Variants in ERCC6 observed in about 807,000 individuals in gnomAD.
ERCC6 encodes DNA excision repair protein ERCC-6.
In ERCC6, 116 loss-of-function variants were observed where a neutral mutation model predicts 158.7. The observed-to-expected ratio is 0.73, with a 90% CI of 0.63 to 0.85. ERCC6 has a LOEUF of 0.85. Among genes scored for constraint, ERCC6 ranks in the 40% least tolerant of loss-of-function variants. The pLI is 0.00. For synonymous variants in ERCC6, 678 were observed against 659.3 expected (o/e 1.03, Z -0.43); for missense variants, 1,698 against 1,799.4 (o/e 0.94, Z 1.02).
intron 5 of ERCC6, among the ~76,000 whole-genome samples, chr10:49,519,826 C>A (rs1837100501): frequency 1.3e-5 from 2 of 152,212 alleles, no homozygotes; most frequent in Non-Finnish European, 2.9e-5. Context: ...AAGAATGTCA[C>A]CAAGCTCCCC....
At chr10:49,498,026 G>A (rs1851295400) in intron 7 of ERCC6, among the ~76,000 whole-genome samples, 1 of 151,998 alleles carries the variant, frequency 6.6e-6, no homozygotes, top group Non-Finnish European at 1.5e-5. Flanking sequence ...AAGATTGAGG[G>A]GCCTATCATT....
intron 8 of ERCC6, among the ~76,000 whole-genome samples, chr10:49,491,019 G>A: frequency 6.6e-6 from 1 of 152,080 alleles, no homozygotes; most frequent in East Asian, 1.9e-4. Context: ...GTGTAAGCCA[G>A]CAGGTATGCA....
At chr10:49,446,254 C>CAT in the ERCC6 span, among the ~76,000 whole-genome samples, 24 of 99,578 alleles carry the variant, frequency 2.4e-4, no homozygotes, top group African/African-American at 7.8e-4. Context: ...CACACACACA[C>CAT]ACACCCCCCA....
chr10:49,507,881 A>G (rs1257289210), intron 5 of ERCC6, among the ~76,000 whole-genome samples: 2 of 152,190 alleles, frequency 1.3e-5, no homozygotes, highest in Non-Finnish European at 2.9e-5. Context: ...AAGCCCTGGC[A>G]TATAGGTATC....
chr10:49,494,998 G>C (rs1851239797), intron 7 of ERCC6, among the ~76,000 whole-genome samples: 1 of 152,180 alleles, frequency 6.6e-6, no homozygotes, highest in Non-Finnish European at 1.5e-5. Context: ...CTTAGGTGCA[G>C]TCAAATATCC....
chr10:49,459,064 G>A lies in ERCC6; in HGVS notation c.4233C>T (p.His1411=), dbSNP rs762222276. ...LPERLESESG[H]LQEASALLPT... The stretch of plus-strand genomic sequence containing the variant: ...GCAGCAGGGCAGAAGCTTCCTGCAG[G>A]TGCCCGCTTTCACTTTCTAAACGCT... The change falls in exon 21 of 21, where the codon CAC becomes CAT. Residue 1411 remains histidine, a synonymous_variant. Transcript: ENST00000355832. 11 of 1,614,022 alleles carry A rather than the reference G, an allele frequency of 6.8e-6. No individual in the cohort carries two copies. In the African/African-American group the frequency reaches 1.3e-4, roughly 20 times the overall value.
In ERCC6 at chr10:49,455,720, C is replaced by G. The variant is rs1850473640; in HGVS notation, c.*3095G>C. ...ACAACCCACAGGAAAACTAGGCCAA[C>G]ATAACACTAATAGGCAATGTACGGT... On this transcript the variant is annotated 3_prime_UTR_variant, in exon 21 of 21. Coordinates refer to ENST00000355832, the MANE Select transcript of ERCC6 (RefSeq NM_000124.4). 1 of 152,172 alleles carries G rather than the reference C, an allele frequency of 6.6e-6. No individual in the cohort carries two copies. Among genetic ancestry groups the G allele is most frequent in the South Asian group, 2.1e-4 (1 of 4,828 alleles). 9.4% of individuals were successfully genotyped at this position (152,172 alleles called of 1,614,324 possible).
At chr10:49,497,899 TAA>T (rs938950506) in intron 7 of ERCC6, among the ~76,000 whole-genome samples, 22 of 152,276 alleles carry the variant, frequency 1.4e-4, no homozygotes, top group African/African-American at 5.1e-4. Flanking sequence ...AACTACAAAG[TAA>T]AATATTTATC....
chr10:49,453,674 G>C (rs1295943829), downstream of ERCC6, among the ~76,000 whole-genome samples: 2 of 152,054 alleles, frequency 1.3e-5, no homozygotes, highest in African/African-American at 4.8e-5. Flanking sequence ...AGGCAGGTTG[G>C]TTAACAACAA....
rs776462885 is a variant in ERCC6 at position 49,528,500 on chromosome 10, G to C, written c.569C>G (p.Ala190Gly). ...NKEQQLKKIT[A>G]KQKHLQAILG... is the part of the protein sequence containing the mutation. ...GATGGCCTGGAGATGCTTTTGTTTT[G>C]CAGTGATCTTTTTTAGCTGTTGTTC... Residue 190 changes from alanine to glycine, a missense_variant, in exon 4 of 21, where the codon GCA becomes GGA. Coordinates refer to ENST00000355832, the MANE Select transcript of ERCC6 (RefSeq NM_000124.4). The C allele has an allele frequency of 6.2e-7, 1 of 1,614,126 alleles. No homozygotes were observed. The highest frequency in any genetic ancestry group is 1.3e-5 in the African/African-American group (1 of 75,026).
chr10:49,440,565 G>T, the ERCC6 span, among the ~76,000 whole-genome samples: 1 of 152,188 alleles, frequency 6.6e-6, no homozygotes, highest in African/African-American at 2.4e-5. Flanking sequence ...TTTGTCACAT[G>T]TATGTCTTTA....
Position 49,472,919 on chromosome 10 carries a change from G to C in ERCC6, c.2819C>G (p.Thr940Arg), listed in dbSNP as rs776004687. 4.3e-6 allele frequency: 7 copies of C among 1,613,648 alleles called. No individual in the cohort carries two copies. Among genetic ancestry groups the C allele is most frequent in the Admixed American group, 3.3e-5 (2 of 59,996 alleles). ...VIYDPDWNPS[T>R]DTQARERAWR... ...AAAATAAAAACAAACCTGCGTGTCC[G>C]TGCTTGGGTTCCAGTCTGGGTCATA... The change falls in exon 15 of 21, where the codon ACG becomes AGG. Residue 940 changes from threonine to arginine, a missense_variant. Thr to Arg is a moderately conservative substitution (Grantham distance 71, BLOSUM62 -1). Transcript: ENST00000355832.
intron 8 of ERCC6, among the ~76,000 whole-genome samples, chr10:49,486,514 A>T (rs1295359562): frequency 6.6e-6 from 1 of 152,256 alleles, no homozygotes; most frequent in African/African-American, 2.4e-5. Flanking sequence ...TAAACCAAAC[A>T]AACCTCTGAA....
intron 11 of ERCC6, among the ~76,000 whole-genome samples, chr10:49,478,050 T>C (rs1484002118): frequency 1.3e-5 from 2 of 152,236 alleles, no homozygotes; most frequent in African/African-American, 4.8e-5. Flanking sequence ...TCTCAGAGCC[T>C]AGGATCACGA....
At position 49,473,555 on chromosome 10, in the gene ERCC6, G is replaced by C; in HGVS notation, c.2631C>G (p.Ala877=). 1 of 1,612,642 alleles carries C rather than the reference G, an allele frequency of 6.2e-7. No homozygotes were observed. Among genetic ancestry groups the C allele is most frequent in the African/African-American group, 1.3e-5 (1 of 74,964 alleles). ...CCATCTTGAGATAGGTATACTTTTG[G>C]GCTCTAAGGAATACTTCAAGTATGT... The part of the protein sequence containing the change: ...MLDILEVFLR[A]QKYTYLKMDG... Residue 877 remains alanine (A), a synonymous_variant, in exon 14 of 21, where the codon GCC becomes GCG. Transcript: ENST00000355832.
At position 49,471,003 on chromosome 10, in the gene ERCC6, C is replaced by G; in HGVS notation, c.3042G>C (p.Gln1014His). The change falls in exon 17 of 21, where the codon CAG becomes CAC. Residue 1014 changes from glutamine (Q) to histidine (H), a missense_variant. Physicochemically the swap from Gln to His is conservative, Grantham distance 24 (BLOSUM62 0). Transcript: ENST00000355832. ...CAAAAATTGCACTTGTTTCAGTGCTCTGGGATGCATCAGGACTAGTCAGAG... is the reference window on the plus strand; with the variant it reads ...CAAAAATTGCACTTGTTTCAGTGCTGTGGGATGCATCAGGACTAGTCAGAG... ...LFTLTSPDAS[Q>H]STETSAIFAG... 6.2e-7 allele frequency: 1 copy of G among 1,614,022 alleles called. No individual in the cohort carries two copies. The highest frequency in any genetic ancestry group is 2.2e-5 in the East Asian group (1 of 44,868).
chr10:49,491,789 C>T (rs551895719), intron 8 of ERCC6, among the ~76,000 whole-genome samples: 1 of 152,222 alleles, frequency 6.6e-6, no homozygotes, highest in Admixed American at 6.5e-5. Context: ...CTTTATAAGA[C>T]AAACATCAGC....
At chr10:49,487,286 A>G (rs1348393961) in intron 8 of ERCC6, among the ~76,000 whole-genome samples, 1 of 152,222 alleles carries the variant, frequency 6.6e-6, no homozygotes, top group Non-Finnish European at 1.5e-5. Context: ...GGACCTATTA[A>G]TAATTTGACA....
Position 49,530,713 on chromosome 10 carries a change from G to C in ERCC6, c.543+7C>G, listed in dbSNP as rs769491240. Reference sequence around the variant, plus strand: ...AAAATGCAATACTGAATGTTATTCTGAATCACCTTATTATACTTCTGTCGT... The same window carrying C: ...AAAATGCAATACTGAATGTTATTCTCAATCACCTTATTATACTTCTGTCGT... On this transcript the variant is annotated splice_region_variant and intron_variant, in intron 3 of 20. Transcript: ENST00000355832. 1 of 1,612,462 alleles carries C rather than the reference G, an allele frequency of 6.2e-7. No homozygotes were observed. The highest frequency in any genetic ancestry group is 8.5e-7 in the Non-Finnish European group (1 of 1,179,512).
Sources: gnomAD v4.1 joint callset for allele counts (sites outside exome capture counted in the v4.1 genomes callset) on GRCh38, gnomAD v4.1.1 for gene constraint, MANE v1.5 for transcripts, NCBI Gene and HGNC (gene_info 2026-07-23, HGNC 2026-07-21) for gene names.